GRK5: variants seen among roughly 807,000 people sequenced by gnomAD.
The protein encoded by GRK5 is G protein-coupled receptor kinase 5.
A neutral mutation model predicts 78.4 loss-of-function variants in GRK5; 40 were observed. The ratio of observed to expected loss-of-function variants is 0.51; its 90% CI spans 0.40 to 0.66. The LOEUF is 0.66. Among genes scored for constraint, GRK5 ranks in the 30% least tolerant of loss-of-function variants. The probability of loss-of-function intolerance (pLI) is 0.00; values close to 1 mark genes in which losing one functional copy is unlikely to be tolerated. For missense variants in GRK5, 598 were observed against 759.9 expected (o/e 0.79, Z 2.50); for synonymous variants, 289 against 296.8 (o/e 0.97, Z 0.27).
At chr10:119,274,078 C>G (rs1490775736) in intron 1 of GRK5, among the ~76,000 whole-genome samples, 1 of 152,220 alleles carries the variant, frequency 6.6e-6, no homozygotes, top group East Asian at 1.9e-4. Flanking sequence ...CTCATTAGAG[C>G]TGGGTTTGTG....
chr10:119,267,572 C>T lies in GRK5; in HGVS notation c.53-58944C>T, dbSNP rs908852277. On this transcript the variant is annotated intron_variant, in intron 1 of 15. Transcript: ENST00000392870. This position sits in a 1 kb window ranked among gnomAD's most constrained non-coding sequence, Gnocchi z 4.1. Reference sequence around the variant, plus strand: ...GGATGGCAAGGGGCTGGAGGCTCAGCGGACGGGCCCTGTTTTAGGGATTGA... The same window carrying T: ...GGATGGCAAGGGGCTGGAGGCTCAGTGGACGGGCCCTGTTTTAGGGATTGA... 6.6e-6 allele frequency among the ~76,000 whole-genome samples: 1 copy of T among 152,122 alleles called. No individual in the cohort carries two copies. Among genetic ancestry groups the T allele is most frequent in the Non-Finnish European group, 1.5e-5 (1 of 68,018 alleles).
chr10:119,389,143 A>T (rs1321487227), intron 3 of GRK5, among the ~76,000 whole-genome samples: 1 of 152,232 alleles, frequency 6.6e-6, no homozygotes, highest in Admixed American at 6.5e-5. Flanking sequence ...TGAGGTTACA[A>T]CAAATGAAAT....
At chr10:119,325,953 C>T (rs558735367) in intron 1 of GRK5, among the ~76,000 whole-genome samples, 28 of 152,308 alleles carry the variant, frequency 1.8e-4, no homozygotes, top group African/African-American at 6.7e-4. Flanking sequence ...CCTCAGGAGT[C>T]CCTCCTTCCT....
intron 2 of GRK5, among the ~76,000 whole-genome samples, chr10:119,370,859 G>GC (rs954520310): frequency 6.6e-6 from 1 of 151,232 alleles, no homozygotes; most frequent in Non-Finnish European, 1.5e-5. Context: ...CTCTGCCACA[G>GC]CCCCCCGTAA....
chr10:119,267,230 C>T lies in GRK5; in HGVS notation c.52+59261C>T, dbSNP rs1016208531. Among the ~76,000 whole-genome samples the T allele has an allele frequency of 4.6e-5, 7 of 151,706 alleles. No individual in the cohort carries two copies. The highest frequency in any genetic ancestry group is 9.7e-5 in the African/African-American group (4 of 41,270). ...TGCACTCCAGCCTGGGCAACAAGAG[C>T]GAAACTCTGTCTCAAAAAAAAAAAA... On this transcript the variant is annotated intron_variant, in intron 1 of 15. Coordinates refer to ENST00000392870, the MANE Select transcript of GRK5 (RefSeq NM_005308.3). The surrounding 1 kb of genome is among the most constrained non-coding windows in gnomAD (Gnocchi z 4.1).
At chr10:119,311,912 T>TAA (rs1219217499) in intron 1 of GRK5, among the ~76,000 whole-genome samples, 2 of 85,008 alleles carry the variant, frequency 2.4e-5, no homozygotes, top group Non-Finnish European at 5.4e-5. Flanking sequence ...ACTGAATTGT[T>TAA]CATTTTTTTT....
chr10:119,313,726 C>T (rs963343409), intron 1 of GRK5, among the ~76,000 whole-genome samples: 1 of 152,116 alleles, frequency 6.6e-6, no homozygotes, highest in African/African-American at 2.4e-5. Context: ...AGCCTCTCCA[C>T]CTCCCCTGGG....
chr10:119,281,400 G>A (rs573892510), intron 1 of GRK5, among the ~76,000 whole-genome samples: 1 of 152,316 alleles, frequency 6.6e-6, no homozygotes, highest in East Asian at 1.9e-4. Flanking sequence ...TCTGCCCCGA[G>A]CTCTCCTGTT....
intron 1 of GRK5, among the ~76,000 whole-genome samples, chr10:119,300,511 G>A (rs1260411568): frequency 1.3e-5 from 2 of 152,208 alleles, no homozygotes; most frequent in African/African-American, 4.8e-5. Flanking sequence ...AGACATCAAT[G>A]TGCCATTGGG....
At chr10:119,223,376 C>T (rs563205191) in intron 1 of GRK5, among the ~76,000 whole-genome samples, 44 of 152,246 alleles carry the variant, frequency 2.9e-4, no homozygotes, top group Admixed American at 2.0e-3. Context: ...CTTTGGAGGA[C>T]GCAGTGAACC....
chr10:119,452,859 C>A lies in GRK5; in HGVS notation c.1542+51C>A. On this transcript the variant is annotated intron_variant, in intron 14 of 15. Transcript: ENST00000392870. The surrounding 1 kb of genome is among the most constrained non-coding windows in gnomAD (Gnocchi z 4.4). ...GGTCTGGGTGGGAGGGAGGGACTGACGGGTGGAAGGAGGCGTCGGGAATAT... is the reference window on the plus strand; with the variant it reads ...GGTCTGGGTGGGAGGGAGGGACTGAAGGGTGGAAGGAGGCGTCGGGAATAT... 1 of 1,561,640 alleles carries A rather than the reference C, an allele frequency of 6.4e-7. No homozygotes were observed. Among genetic ancestry groups the A allele is most frequent in the Non-Finnish European group, 8.8e-7 (1 of 1,139,066 alleles).
chr10:119,227,268 A>T (rs748877575), intron 1 of GRK5, among the ~76,000 whole-genome samples: 4 of 152,064 alleles, frequency 2.6e-5, no homozygotes, highest in Admixed American at 6.5e-5. Context: ...GTATATGTAA[A>T]ATTTTAGTAT....
At chr10:119,359,016 C>G (rs1851313797) in intron 2 of GRK5, among the ~76,000 whole-genome samples, 1 of 152,196 alleles carries the variant, frequency 6.6e-6, no homozygotes, top group South Asian at 2.1e-4. Flanking sequence ...AAAGCCCCAC[C>G]CCCAAATATA....
intron 4 of GRK5, among the ~76,000 whole-genome samples, chr10:119,403,075 G>A (rs1852176514): frequency 6.6e-6 from 1 of 152,078 alleles, no homozygotes; most frequent in South Asian, 2.1e-4. Context: ...TTCCTCCCAG[G>A]CCCTGACAGC....
At chr10:119,297,104 G>A (rs565869808) in intron 1 of GRK5, among the ~76,000 whole-genome samples, 53 of 152,332 alleles carry the variant, frequency 3.5e-4, no homozygotes, top group East Asian at 7.7e-4. Context: ...TCCCTCCTTC[G>A]GGACACTGCA....
chr10:119,335,884 G>C (rs1359248605), intron 2 of GRK5: 1 of 152,266 alleles, frequency 6.6e-6, no homozygotes, highest in Admixed American at 6.5e-5. Context: ...CTAGTTTGCA[G>C]TTTATTTGTG....
At chr10:119,293,141 AG>A (rs1486062501) in intron 1 of GRK5, among the ~76,000 whole-genome samples, 3 of 152,226 alleles carry the variant, frequency 2.0e-5, no homozygotes, top group African/African-American at 7.2e-5. Context: ...TTATGCAGCC[AG>A]GAAGTGGCTT....
chr10:119,272,633 T>A (rs1849602705), intron 1 of GRK5, among the ~76,000 whole-genome samples: 1 of 150,582 alleles, frequency 6.6e-6, no homozygotes, highest in South Asian at 2.1e-4. Flanking sequence ...GGATGAGATC[T>A]CTATTTCATG....
At chr10:119,373,795 G>A (rs751813338) in intron 2 of GRK5, among the ~76,000 whole-genome samples, 10 of 152,270 alleles carry the variant, frequency 6.6e-5, no homozygotes, top group Admixed American at 5.2e-4. Flanking sequence ...TGCTCGACAC[G>A]GGGTTGCCAC....
Sources: allele counts gnomAD v4.1 joint callset (sites outside exome capture counted in the v4.1 genomes callset), GRCh38; gene constraint gnomAD v4.1.1; non-coding constraint Gnocchi (gnomAD v3.1); transcripts MANE v1.5; gene names NCBI Gene and HGNC (gene_info 2026-07-23, HGNC 2026-07-21).